Variants in FBXO34 observed in about 807,000 individuals in gnomAD.
FBXO34 encodes the protein F-box only protein 34.
A neutral mutation model predicts 24.5 loss-of-function variants in FBXO34; 12 were observed. The observed-to-expected ratio is 0.49, with a 90% CI of 0.31 to 0.79. FBXO34 has a LOEUF of 0.79. Ranked by LOEUF, FBXO34 falls within the 30% of genes least tolerant of loss-of-function variation. FBXO34 has a pLI of 0.04. For synonymous variants in FBXO34, 320 were observed against 311.9 expected, an observed-to-expected ratio of 1.03 and a Z score of -0.27; for missense variants, 823 against 857.7, an observed-to-expected ratio of 0.96 and a Z score of 0.51.
At chr14:55,398,542 A>T in the FBXO34 span, among the ~76,000 whole-genome samples, 1 of 152,164 alleles carries the variant, frequency 6.6e-6, no homozygotes, top group Non-Finnish European at 1.5e-5. Context: ...TTAGAAGCAT[A>T]TTGTTTAATT....
downstream of FBXO34, chr14:55,369,565 T>C (rs781282993): frequency 2.9e-5 from 41 of 1,395,582 alleles, no homozygotes; most frequent in Non-Finnish European, 3.9e-5. Context: ...TACTAGAGTG[T>C]AGTGGGAGAA....
At chr14:55,366,850 GATTTT>G (rs1316709107), downstream of FBXO34, 4 of 152,570 alleles carry the variant, frequency 2.6e-5, no homozygotes. Flanking sequence ...CTACATGAAA[GATTTT>G]AATGAGCAGC....
the FBXO34 span, among the ~76,000 whole-genome samples, chr14:55,382,451 G>A: frequency 6.6e-6 from 1 of 152,052 alleles, no homozygotes; most frequent in East Asian, 1.9e-4. Context: ...AAGTAGCTGG[G>A]ACTACAGGTA....
intron 1 of FBXO34, among the ~76,000 whole-genome samples, chr14:55,277,105 T>C (rs1285400273): frequency 3.3e-5 from 5 of 152,356 alleles, no homozygotes; most frequent in East Asian, 1.9e-4. Flanking sequence ...TGTCAAGATA[T>C]AGAACATTTT....
the FBXO34 span, chr14:55,413,914 T>A: frequency 2.2e-6 from 1 of 464,462 alleles, no homozygotes; most frequent in East Asian, 5.6e-5. Flanking sequence ...CACTCCTTTT[T>A]GAAAAGCAGC....
chr14:55,314,772 T>C lies in FBXO34; in HGVS notation c.-10-35609T>C, dbSNP rs372807169. ...TTTTGAACTTTTATCACTATTCTTA[T>C]CCTTTTATATTGTGTTTTTCATTGA... is the stretch of plus-strand genomic sequence containing the variant. On this transcript the variant is annotated intron_variant, in intron 1 of 1. Transcript: ENST00000313833. Among the ~76,000 whole-genome samples the C allele has an allele frequency of 3.5e-4, 54 of 152,354 alleles. 1 individual carries two copies. Among genetic ancestry groups the C allele is most frequent in the Middle Eastern group, 6.8e-3 (2 of 294 alleles).
At chr14:55,338,832 G>C (rs892964715) in intron 1 of FBXO34, among the ~76,000 whole-genome samples, 2 of 151,874 alleles carry the variant, frequency 1.3e-5, no homozygotes, top group Admixed American at 6.6e-5. Context: ...CGTGAATCTG[G>C]GAGGCGGAGC....
the FBXO34 span, among the ~76,000 whole-genome samples, chr14:55,429,217 T>C: frequency 6.6e-6 from 1 of 152,222 alleles, no homozygotes; most frequent in Non-Finnish European, 1.5e-5. Flanking sequence ...TCACCTTTCA[T>C]ATATGAAGTA....
the FBXO34 span, among the ~76,000 whole-genome samples, chr14:55,434,215 A>G: frequency 6.6e-6 from 1 of 152,230 alleles, no homozygotes; most frequent in Non-Finnish European, 1.5e-5. Context: ...AATGCAGAAG[A>G]GTCTGTATGA....
At chr14:55,411,758 A>T in the FBXO34 span, 1 of 1,607,210 alleles carries the variant, frequency 6.2e-7, no homozygotes, top group East Asian at 2.2e-5. Flanking sequence ...GTCCCGGGCG[A>T]GCGGCCGGGG....
chr14:55,315,813 G>A (rs1157514160), intron 1 of FBXO34, among the ~76,000 whole-genome samples: 1 of 152,162 alleles, frequency 6.6e-6, no homozygotes, highest in Non-Finnish European at 1.5e-5. Context: ...TTAATGTGGT[G>A]AGGTACTTGA....
At chr14:55,327,918 T>G (rs903663980) in intron 1 of FBXO34, among the ~76,000 whole-genome samples, 1 of 45,218 alleles carries the variant, frequency 2.2e-5, no homozygotes, top group Non-Finnish European at 5.0e-5. Flanking sequence ...GTTTTTTTTT[T>G]TTTTTTTTTT....
At chr14:55,301,475 T>C (rs1161742117) in intron 1 of FBXO34, among the ~76,000 whole-genome samples, 4 of 152,146 alleles carry the variant, frequency 2.6e-5, no homozygotes, top group Non-Finnish European at 5.9e-5. Context: ...GTTAATATTA[T>C]ACAGCATCTA....
At chr14:55,408,134 A>G in the FBXO34 span, among the ~76,000 whole-genome samples, 3 of 152,176 alleles carry the variant, frequency 2.0e-5, no homozygotes, top group Non-Finnish European at 4.4e-5. Context: ...TGCCATTTAC[A>G]AAATGAAATA....
chr14:55,431,745 G>A, the FBXO34 span, among the ~76,000 whole-genome samples: 4 of 152,122 alleles, frequency 2.6e-5, no homozygotes, highest in African/African-American at 9.7e-5. Flanking sequence ...CTGATCATTT[G>A]GGAAAAATAA....
At chr14:55,279,701 A>G (rs1881468558) in intron 1 of FBXO34, among the ~76,000 whole-genome samples, 1 of 152,202 alleles carries the variant, frequency 6.6e-6, no homozygotes, top group Admixed American at 6.5e-5. Context: ...TGAATGAACC[A>G]TTAAGGCAAG....
chr14:55,283,466 T>G (rs532595414), intron 1 of FBXO34, among the ~76,000 whole-genome samples: 5 of 151,024 alleles, frequency 3.3e-5, no homozygotes, highest in African/African-American at 1.2e-4. Context: ...TCTTTTTTTC[T>G]TTCTTTTTTT....
the FBXO34 span, among the ~76,000 whole-genome samples, chr14:55,391,549 A>T: frequency 6.6e-6 from 1 of 152,142 alleles, no homozygotes; most frequent in Non-Finnish European, 1.5e-5. Context: ...GTAAGCAAAG[A>T]GAAAAAAGTT....
At chr14:55,427,612 C>A in the FBXO34 span, among the ~76,000 whole-genome samples, 2 of 152,072 alleles carry the variant, frequency 1.3e-5, no homozygotes, top group Non-Finnish European at 2.9e-5. Flanking sequence ...AGTGCCCTAG[C>A]CCAGGTGTAT....
Sources: allele counts gnomAD v4.1 joint callset (sites outside exome capture counted in the v4.1 genomes callset), GRCh38; gene constraint gnomAD v4.1.1; transcripts MANE v1.5; gene names NCBI Gene and HGNC (gene_info 2026-07-23, HGNC 2026-07-21).